Variants in DMRT1 observed in about 807,000 individuals in gnomAD.
DMRT1 encodes the protein doublesex- and mab-3-related transcription factor 1.
Under a neutral mutation model 32.3 loss-of-function variants are expected in DMRT1, and 7 were observed. That is an observed-to-expected ratio of 0.22 (90% CI 0.12 to 0.41). The LOEUF (loss-of-function observed/expected upper bound fraction) is 0.41, where lower values mean the gene tolerates loss of function less well. DMRT1 is among the 10% of genes least tolerant of loss of function. The probability of loss-of-function intolerance (pLI) is 1.00; values close to 1 mark genes in which losing one functional copy is unlikely to be tolerated. For missense variants in DMRT1, 625 were observed against 500.5 expected (o/e 1.25, Z -2.37); for synonymous variants, 278 against 206.1 (o/e 1.35, Z -2.99).
chr9:901,533 G>A (rs1328014836), intron 3 of DMRT1, among the ~76,000 whole-genome samples: 1 of 151,116 alleles, frequency 6.6e-6, no homozygotes, highest in Non-Finnish European at 1.5e-5. Flanking sequence ...CACCATGTTG[G>A]CCAGGCTGGT....
intron 4 of DMRT1, among the ~76,000 whole-genome samples, chr9:932,881 C>T (rs1364727740): frequency 1.3e-5 from 2 of 151,708 alleles, no homozygotes; most frequent in Admixed American, 6.6e-5. Flanking sequence ...GTGCATGGGG[C>T]GCGGTATCTC....
intron 2 of DMRT1, among the ~76,000 whole-genome samples, chr9:879,629 G>C (rs1391893954): frequency 6.6e-6 from 1 of 152,174 alleles, no homozygotes; most frequent in Non-Finnish European, 1.5e-5. Context: ...AGTGGTAATT[G>C]CTTAAAGATT....
intron 2 of DMRT1, among the ~76,000 whole-genome samples, chr9:855,623 AT>A (rs981278171): frequency 1.3e-5 from 2 of 152,168 alleles, no homozygotes; most frequent in Non-Finnish European, 2.9e-5. Flanking sequence ...ATATATCTGA[AT>A]TTTTTTTCTT....
chr9:908,638 G>A (rs1353872799), intron 3 of DMRT1, among the ~76,000 whole-genome samples: 1 of 151,910 alleles, frequency 6.6e-6, no homozygotes, highest in African/African-American at 2.4e-5. Flanking sequence ...TATTTTTGGA[G>A]CTACTGTAAT....
At chr9:870,339 C>T (rs946993040) in intron 2 of DMRT1, among the ~76,000 whole-genome samples, 2 of 152,116 alleles carry the variant, frequency 1.3e-5, no homozygotes, top group South Asian at 2.1e-4. Flanking sequence ...GCGGAGGTTG[C>T]AGTGAGCCGA....
At chr9:903,311 C>G (rs189513542) in intron 3 of DMRT1, among the ~76,000 whole-genome samples, 9 of 151,686 alleles carry the variant, frequency 5.9e-5, no homozygotes, top group Admixed American at 2.6e-4. Context: ...TGGGTGAATG[C>G]AGTCCCGGCT....
At chr9:855,410 C>T (rs1011178891) in intron 2 of DMRT1, among the ~76,000 whole-genome samples, 15 of 152,186 alleles carry the variant, frequency 9.9e-5, no homozygotes, top group African/African-American at 3.6e-4. Flanking sequence ...TAAGGACAAA[C>T]ACTGCATTTT....
chr9:964,067 T>G (rs1352102980), intron 4 of DMRT1, among the ~76,000 whole-genome samples: 2 of 152,224 alleles, frequency 1.3e-5, no homozygotes, highest in African/African-American at 2.4e-5. Flanking sequence ...TTTTAAAGCA[T>G]GAATATCCTG....
chr9:874,851 C>T (rs1816427368), intron 2 of DMRT1, among the ~76,000 whole-genome samples: 1 of 144,206 alleles, frequency 6.9e-6, no homozygotes, highest in South Asian at 2.2e-4. Flanking sequence ...TCTGTCACCC[C>T]AGCTGGAGTG....
At chr9:879,453 G>C (rs761242528) in intron 2 of DMRT1, among the ~76,000 whole-genome samples, 1 of 152,118 alleles carries the variant, frequency 6.6e-6, no homozygotes, top group African/African-American at 2.4e-5. Flanking sequence ...GGCTTAATAG[G>C]ATGTAGGTGG....
chr9:932,458 C>T (rs1161649244), intron 4 of DMRT1, among the ~76,000 whole-genome samples: 1 of 152,150 alleles, frequency 6.6e-6, no homozygotes, highest in African/African-American at 2.4e-5. Context: ...CTATATAGAC[C>T]ATCCATATAT....
intron 2 of DMRT1, among the ~76,000 whole-genome samples, chr9:849,624 G>C (rs1589445388): frequency 6.6e-6 from 1 of 152,200 alleles, no homozygotes; most frequent in African/African-American, 2.4e-5. Flanking sequence ...AGAGGGTTCA[G>C]GGTCAAGGAG....
chr9:948,116 G>C (rs1270633252), intron 4 of DMRT1, among the ~76,000 whole-genome samples: 1 of 152,204 alleles, frequency 6.6e-6, no homozygotes, highest in Non-Finnish European at 1.5e-5. Flanking sequence ...GTATGGATTT[G>C]CACAGAATGT....
At chr9:901,166 C>G (rs1010141276) in intron 3 of DMRT1, among the ~76,000 whole-genome samples, 1 of 152,128 alleles carries the variant, frequency 6.6e-6, no homozygotes, top group South Asian at 2.1e-4. Context: ...AGGCATGTAC[C>G]ACCACACCCA....
intron 4 of DMRT1, among the ~76,000 whole-genome samples, chr9:943,759 C>A (rs962900501): frequency 2.6e-5 from 4 of 152,080 alleles, no homozygotes; most frequent in Non-Finnish European, 5.9e-5. Context: ...GATGAAGGAC[C>A]CCATTCTCAA....
intron 4 of DMRT1, among the ~76,000 whole-genome samples, chr9:927,294 T>C (rs1818558523): frequency 6.6e-6 from 1 of 152,236 alleles, no homozygotes. Context: ...ATGATGAAGC[T>C]TGTCATGCAT....
intron 4 of DMRT1, among the ~76,000 whole-genome samples, chr9:967,697 A>T (rs1484417326): frequency 6.6e-6 from 1 of 152,170 alleles, no homozygotes; most frequent in Admixed American, 6.5e-5. Context: ...CCCAAAGAGG[A>T]TGCAGCCGAC....
chr9:925,499 AACAG>A (rs1818491975), intron 4 of DMRT1, among the ~76,000 whole-genome samples: 2 of 152,150 alleles, frequency 1.3e-5, no homozygotes, highest in Admixed American at 1.3e-4. Context: ...ATTCACACTT[AACAG>A]AGAGGATGGG....
chr9:950,517 C>G (rs1480631362), intron 4 of DMRT1, among the ~76,000 whole-genome samples: 2 of 152,076 alleles, frequency 1.3e-5, no homozygotes, highest in African/African-American at 2.4e-5. Flanking sequence ...ATGTTAATAT[C>G]CACCTCCCCA....
Sources: allele counts gnomAD v4.1 joint callset (sites outside exome capture counted in the v4.1 genomes callset), GRCh38; gene constraint gnomAD v4.1.1; transcripts MANE v1.5; gene names NCBI Gene and HGNC (gene_info 2026-07-23, HGNC 2026-07-21).